COL9A3: variants seen among roughly 807,000 people sequenced by gnomAD.
COL9A3 encodes the protein collagen type IX alpha 3 chain.
Under a neutral mutation model 110.2 loss-of-function variants are expected in COL9A3, and 82 were observed. That is an observed-to-expected ratio of 0.74 (90% confidence interval 0.62 to 0.89). The LOEUF is 0.89. COL9A3 is among the 40% of genes least tolerant of loss of function. The pLI is 0.00. For missense variants in COL9A3, 1,066 were observed against 981.3 expected, an observed-to-expected ratio of 1.09 and a Z score of -1.15; for synonymous variants, 494 against 403.8, an observed-to-expected ratio of 1.22 and a Z score of -2.68.
intron 10 of COL9A3, among the ~76,000 whole-genome samples, chr20:62,824,091 T>C (rs6010753): frequency 0.052 from 2,496 of 47,958 alleles, 419 homozygotes; most frequent in Middle Eastern, 0.1. Context: ...AGTGGCCTCC[T>C]GGGGCCCCGT....
intron 16 of COL9A3, 127 bp downstream of exon 16, chr20:62,827,421 G>A (rs2063563192): frequency 1.1e-6 from 1 of 918,754 alleles, no homozygotes; most frequent in Admixed American, 2.1e-5. Context: ...GTGGGCCTGG[G>A]GGTGCGTGGG....
chr20:62,827,133 C>A, intron 15 of COL9A3, 108 bp from the exon 16 acceptor site: 1 of 1,113,050 alleles, frequency 9.0e-7, no homozygotes, highest in Non-Finnish European at 1.4e-6. Context: ...CACTCTCTGA[C>A]CACTCCTGGA....
intron 2 of COL9A3, among the ~76,000 whole-genome samples, chr20:62,818,098 G>A (rs1990995319): frequency 1.3e-5 from 2 of 152,146 alleles, no homozygotes; most frequent in Admixed American, 6.5e-5. Flanking sequence ...AGCAGGAGGA[G>A]GCGGCTGAAA....
chr20:62,818,811 T>TG lies in COL9A3; in HGVS notation c.183+260dup, dbSNP rs139504978. Among the ~76,000 whole-genome samples the TG allele has an allele frequency of 0.014, 2,196 of 152,304 alleles. 60 individuals carry two copies. The highest frequency in any genetic ancestry group is 0.05 in the African/African-American group (2,085 of 41,560). Reference sequence around the variant, plus strand: ...GCGCCAGGCAGGCCGGGACCGGGGCTGGTACAGCCCTTCAGGTCCCCCAGG... The same window carrying TG: ...GCGCCAGGCAGGCCGGGACCGGGGCTGGGTACAGCCCTTCAGGTCCCCCAGG... On this transcript the variant is annotated intron_variant, in intron 3 of 31. Transcript: ENST00000649368.
intron 25 of COL9A3, among the ~76,000 whole-genome samples, chr20:62,832,614 T>G (rs2063605104): frequency 8.4e-6 from 1 of 118,956 alleles, no homozygotes. Flanking sequence ...CGAAATGCAT[T>G]TCTGCTGTTC....
At chr20:62,826,047 A>G (rs1250985795) in intron 13 of COL9A3, among the ~76,000 whole-genome samples, 157 bp from the exon 14 acceptor site, 1 of 152,070 alleles carries the variant, frequency 6.6e-6, no homozygotes, top group Non-Finnish European at 1.5e-5. Flanking sequence ...TGCTGACCTC[A>G]AGGCTGGTGC....
At chr20:62,835,401 A>G (rs1054282688) in intron 26 of COL9A3, among the ~76,000 whole-genome samples, 3 of 152,248 alleles carry the variant, frequency 2.0e-5, no homozygotes, top group African/African-American at 7.2e-5. Flanking sequence ...TGAGGAACCC[A>G]CTGCGGAGAC....
In COL9A3 at chr20:62,829,491, G is replaced by A; in HGVS notation, c.1045G>A (p.Gly349Arg). 2 of 1,612,946 alleles carry A rather than the reference G, an allele frequency of 1.2e-6. No homozygotes were observed. Among genetic ancestry groups the A allele is most frequent in the Non-Finnish European group, 8.5e-7 (1 of 1,179,940 alleles). ...ACGAGCGGGGTCCAAAGGCGAGAAG[G>A]GAGAACGGGTATGTGGCTGCAGCCG... ...PGRAGSKGEKGERGRAGELGE... is the reference protein window; with the variant it reads ...PGRAGSKGEKRERGRAGELGE... The change falls in exon 20 of 32, where the codon GGA (glycine) becomes AGA (arginine). Residue 349 changes from glycine to arginine, a missense_variant. Gly to Arg is a moderately radical substitution (Grantham distance 125). Coordinates refer to ENST00000649368, the MANE Select transcript of COL9A3 (RefSeq NM_001853.4).
In COL9A3 at chr20:62,840,573, C is replaced by T. The variant is rs74830351; in HGVS notation, c.1896C>T (p.Asp632=). The T allele has an allele frequency of 0.013, 20,240 of 1,612,582 alleles. 171 individuals carry two copies. The highest frequency in any genetic ancestry group is 0.016 in the Non-Finnish European group (18,809 of 1,179,834). The part of the protein sequence containing the change: ...GPQGVPGTSK[D]GQDGAPGEPG... ...AAGGCGTGCCCGGCACCAGCAAGGA[C>T]GGCCAGGACGGTGCTCCCGGCGAGC... Residue 632 remains aspartate, a synonymous_variant, in exon 32 of 32, where the codon GAC becomes GAT. Transcript: ENST00000649368.
chr20:62,822,943 G>T (rs184488308), intron 10 of COL9A3, among the ~76,000 whole-genome samples: 2 of 152,354 alleles, frequency 1.3e-5, no homozygotes, highest in East Asian at 3.9e-4. Flanking sequence ...GCTCCCCTGC[G>T]TCATCCGCAG....
Position 62,829,790 on chromosome 20 carries a change from C to T in COL9A3, c.1132C>T (p.Arg378Cys), listed in dbSNP as rs1291377583. The T allele has an allele frequency of 1.1e-5, 17 of 1,584,972 alleles. No individual in the cohort carries two copies. The highest frequency in any genetic ancestry group is 3.6e-5 in the Admixed American group (2 of 55,674). Reference protein sequence around the residue: ...VPGDAGMPGERGEAGHRGSAG... With the variant: ...VPGDAGMPGECGEAGHRGSAG... ...GGGAGATGCTGGCATGCCTGGGGAGCGCGGTGAGGCTGGCCACCGGGGCTC... is the reference window on the plus strand; with the variant it reads ...GGGAGATGCTGGCATGCCTGGGGAGTGCGGTGAGGCTGGCCACCGGGGCTC... Residue 378 changes from arginine to cysteine, a missense_variant, in exon 22 of 32, where the codon CGC (arginine) becomes TGC (cysteine). Physicochemically the swap from Arg to Cys is radical, Grantham distance 180. Coordinates refer to ENST00000649368, the MANE Select transcript of COL9A3 (RefSeq NM_001853.4).
intron 2 of COL9A3, chr20:62,817,931 C>G: frequency 2.0e-6 from 1 of 510,004 alleles, no homozygotes; most frequent in Non-Finnish European, 3.8e-6. Context: ...TGGCCTCTGG[C>G]TGAAGTGGGG....
intron 10 of COL9A3, among the ~76,000 whole-genome samples, chr20:62,823,883 C>T (rs769547467): frequency 2.6e-5 from 4 of 152,238 alleles, no homozygotes; most frequent in African/African-American, 4.8e-5. Flanking sequence ...GCCGTGGGGC[C>T]GGCTGCTCCA....
chr20:62,832,734 C>A, intron 25 of COL9A3: 2 of 357,120 alleles, frequency 5.6e-6, no homozygotes, highest in East Asian at 1.6e-4. Context: ...CCTTTCCATA[C>A]CGCTGGAGGG....
At chr20:62,829,563 G>GA in intron 20 of COL9A3, 64 bp downstream of exon 20, 1 of 1,611,220 alleles carries the variant, frequency 6.2e-7, no homozygotes, top group East Asian at 2.2e-5. Flanking sequence ...CAAGGGGCTG[G>GA]GGGGCCAGCG....
At chr20:62,833,560 T>A (rs750910588) in intron 26 of COL9A3, among the ~76,000 whole-genome samples, 1 of 149,752 alleles carries the variant, frequency 6.7e-6, no homozygotes, top group Non-Finnish European at 1.5e-5. Context: ...CCCGCCACCA[T>A]GCCCAGCTAA....
At chr20:62,829,566 G>GT in intron 20 of COL9A3, 62 bp from the exon 21 acceptor site, 1 of 1,611,348 alleles carries the variant, frequency 6.2e-7, no homozygotes. Flanking sequence ...GGGGCTGGGG[G>GT]GCCAGCGACC....
chr20:62,836,027 C>A, intron 27 of COL9A3, 74 bp downstream of exon 27: 1 of 1,607,424 alleles, frequency 6.2e-7, no homozygotes, highest in Non-Finnish European at 8.5e-7. Context: ...TCTGGGCAAC[C>A]AGGCAGCCCT....
At chr20:62,837,290 G>A (rs1177635860) in intron 30 of COL9A3, 25 bp downstream of exon 30, 1 of 1,603,602 alleles carries the variant, frequency 6.2e-7, no homozygotes, top group Non-Finnish European at 8.5e-7. Flanking sequence ...CCATGACACG[G>A]TCACCCTGCT....
Sources: gnomAD v4.1 joint callset for allele counts (sites outside exome capture counted in the v4.1 genomes callset) on GRCh38, gnomAD v4.1.1 for gene constraint, MANE v1.5 for transcripts, NCBI Gene and HGNC (gene_info 2026-07-23, HGNC 2026-07-21) for gene names.